CTTNBP2: variants seen among roughly 807,000 people sequenced by gnomAD.
CTTNBP2 encodes cortactin binding protein 2.
In CTTNBP2, 108 loss-of-function variants were observed where a neutral mutation model predicts 156.9. The observed-to-expected ratio is 0.69, with a 90% CI of 0.59 to 0.81. The LOEUF (loss-of-function observed/expected upper bound fraction) is 0.81, where lower values mean the gene tolerates loss of function less well. Ranked by LOEUF, CTTNBP2 falls within the 30% of genes least tolerant of loss-of-function variation. CTTNBP2 has a pLI of 0.00. For missense variants in CTTNBP2, 1,924 were observed against 2,035.4 expected (o/e 0.95, Z 1.05); for synonymous variants, 767 against 751.8 (o/e 1.02, Z -0.33).
intron 1 of CTTNBP2, among the ~76,000 whole-genome samples, chr7:117,864,352 C>T (rs1378712988): frequency 6.6e-6 from 1 of 152,098 alleles, no homozygotes; most frequent in African/African-American, 2.4e-5. Context: ...TCTCTTCCCT[C>T]TATGACTCCA....
chr7:117,789,766 C>A (rs2116848365), intron 4 of CTTNBP2, among the ~76,000 whole-genome samples: 1 of 152,240 alleles, frequency 6.6e-6, no homozygotes. Context: ...GTTATAGGAT[C>A]CAATCCTCCT....
At chr7:117,720,534 A>G (rs1302042742) in intron 20 of CTTNBP2, among the ~76,000 whole-genome samples, 2 of 152,148 alleles carry the variant, frequency 1.3e-5, no homozygotes, top group African/African-American at 4.8e-5. Flanking sequence ...TCTCTACTAA[A>G]AATACAAAAA....
intron 19 of CTTNBP2, among the ~76,000 whole-genome samples, chr7:117,722,945 G>A (rs1794885640): frequency 6.6e-6 from 1 of 152,140 alleles, no homozygotes; most frequent in South Asian, 2.1e-4. Flanking sequence ...TCTGTAAATG[G>A]AGATCATTAT....
chr7:117,724,591 C>G lies in CTTNBP2; in HGVS notation c.4403G>C (p.Arg1468Pro). The G allele has an allele frequency of 6.2e-7, 1 of 1,613,950 alleles. No homozygotes were observed. The highest frequency in any genetic ancestry group is 8.5e-7 in the Non-Finnish European group (1 of 1,180,006). The change falls in exon 19 of 23, where the codon CGC becomes CCC. Residue 1468 changes from arginine (R) to proline (P), a missense_variant. Physicochemically the swap from Arg to Pro is moderately radical, Grantham distance 103. Transcript: ENST00000160373. ...VNTSPRRKSGRFSLPTWNKPD... is the reference protein window; with the variant it reads ...VNTSPRRKSGPFSLPTWNKPD... ...CTTATTCCAGGTGGGTAAAGAGAAG[C>G]GGCCAGACTTCCTGCGAGGACTGGT...
intron 2 of CTTNBP2, among the ~76,000 whole-genome samples, chr7:117,821,588 A>ATTT (rs61303861): frequency 7.4e-5 from 10 of 134,692 alleles, no homozygotes; most frequent in East Asian, 2.1e-4. Flanking sequence ...TCTGTTTAGG[A>ATTT]TTTTTTTTTT....
chr7:117,873,122 G>A (rs1804740980), intron 1 of CTTNBP2, among the ~76,000 whole-genome samples: 1 of 152,212 alleles, frequency 6.6e-6, no homozygotes, highest in South Asian at 2.1e-4. Context: ...GAAGGGACAG[G>A]AGGGATCCCC....
chr7:117,859,516 C>A (rs926930314), intron 2 of CTTNBP2, among the ~76,000 whole-genome samples: 8 of 152,092 alleles, frequency 5.3e-5, no homozygotes, highest in African/African-American at 1.2e-4. Context: ...ATATATATAT[C>A]TAAGGCACAG....
In CTTNBP2 at chr7:117,777,690, T is replaced by C; in HGVS notation, c.2599A>G (p.Ile867Val). 6.2e-7 allele frequency: 1 copy of C among 1,614,144 alleles called. No individual in the cohort carries two copies. Among genetic ancestry groups the C allele is most frequent in the Non-Finnish European group, 8.5e-7 (1 of 1,179,994 alleles). Residue 867 changes from isoleucine to valine, a missense_variant, in exon 8 of 23, where the codon ATA becomes GTA. Transcript: ENST00000160373. The stretch of plus-strand genomic sequence containing the variant: ...TTGAAAGAATTTCCATGAGCTGGTA[T>C]TCTATGGTACATAAGAAGCTTGAGG... ...DSLKLLMYHRIPAHGNSFNEE... is the reference protein window; with the variant it reads ...DSLKLLMYHRVPAHGNSFNEE...
At chr7:117,773,788 C>T (rs1475115517) in intron 8 of CTTNBP2, among the ~76,000 whole-genome samples, 1 of 151,742 alleles carries the variant, frequency 6.6e-6, no homozygotes, top group Non-Finnish European at 1.5e-5. Flanking sequence ...GGGCAGTGTT[C>T]TGGAAGCCCA....
intron 4 of CTTNBP2, among the ~76,000 whole-genome samples, chr7:117,790,026 T>G (rs771432806): frequency 4.6e-5 from 7 of 152,224 alleles, no homozygotes; most frequent in Non-Finnish European, 8.8e-5. Flanking sequence ...TGATGCTATT[T>G]GCTTTTCTCT....
intron 14 of CTTNBP2, among the ~76,000 whole-genome samples, chr7:117,744,461 C>T (rs947681258): frequency 1.3e-5 from 2 of 152,222 alleles, no homozygotes; most frequent in Non-Finnish European, 2.9e-5. Flanking sequence ...TGGCTTATTT[C>T]ATGCAACATA....
chr7:117,741,263 C>T (rs1378157626), intron 14 of CTTNBP2, among the ~76,000 whole-genome samples: 1 of 152,160 alleles, frequency 6.6e-6, no homozygotes, highest in Non-Finnish European at 1.5e-5. Context: ...AGCTTAGGGA[C>T]TGCCTAGATA....
intron 16 of CTTNBP2, among the ~76,000 whole-genome samples, chr7:117,732,089 T>G (rs1314667345): frequency 6.6e-6 from 1 of 152,144 alleles, no homozygotes; most frequent in Non-Finnish European, 1.5e-5. Flanking sequence ...CACCTGGTAT[T>G]AATGGTAATG....
chr7:117,805,213 G>A (rs1799859266), intron 3 of CTTNBP2, among the ~76,000 whole-genome samples: 1 of 152,148 alleles, frequency 6.6e-6, no homozygotes, highest in Non-Finnish European at 1.5e-5. Context: ...GAATACATGT[G>A]TTAAAATCTG....
intron 16 of CTTNBP2, among the ~76,000 whole-genome samples, chr7:117,729,769 CAGACAGACACA>C (rs1795303953): frequency 1.3e-5 from 2 of 152,022 alleles, no homozygotes; most frequent in African/African-American, 4.8e-5. Flanking sequence ...TCTTGAAGTA[CAGACAGACACA>C]AGCTGCTATG....
chr7:117,788,517 G>C (rs1288578167), intron 4 of CTTNBP2, among the ~76,000 whole-genome samples: 1 of 152,148 alleles, frequency 6.6e-6, no homozygotes, highest in Non-Finnish European at 1.5e-5. Flanking sequence ...CCCTTCAAAG[G>C]GCTCATGACC....
chr7:117,816,415 T>C (rs890609015), intron 2 of CTTNBP2, among the ~76,000 whole-genome samples: 3 of 152,214 alleles, frequency 2.0e-5, no homozygotes, highest in African/African-American at 7.2e-5. Flanking sequence ...GGAAGCCTTC[T>C]CAGTCATTTC....
At chr7:117,721,458 T>G (rs1227022005) in intron 19 of CTTNBP2, among the ~76,000 whole-genome samples, 1 of 152,236 alleles carries the variant, frequency 6.6e-6, no homozygotes, top group Non-Finnish European at 1.5e-5. Flanking sequence ...CCTAGTTCCT[T>G]AGGCCCTTGT....
chr7:117,753,347 C>T (rs1796718845), intron 12 of CTTNBP2, among the ~76,000 whole-genome samples: 2 of 152,160 alleles, frequency 1.3e-5, no homozygotes, highest in African/African-American at 2.4e-5. Flanking sequence ...AGTGTGGCGA[C>T]TCCTCATTTC....
Sources: gnomAD v4.1 joint callset for allele counts (sites outside exome capture counted in the v4.1 genomes callset) on GRCh38, gnomAD v4.1.1 for gene constraint, MANE v1.5 for transcripts, NCBI Gene and HGNC (gene_info 2026-07-23, HGNC 2026-07-21) for gene names.